PCDH15: variants seen among roughly 807,000 people sequenced by gnomAD.
The protein encoded by PCDH15 is protocadherin related 15.
Under a neutral mutation model 178.5 loss-of-function variants are expected in PCDH15, and 129 were observed. That is an observed-to-expected ratio of 0.72 (90% CI 0.63 to 0.84). The LOEUF is 0.84. Among genes scored for constraint, PCDH15 ranks in the 40% least tolerant of loss-of-function variants. PCDH15 has a pLI of 0.00. For synonymous variants in PCDH15, 800 were observed against 732.0 expected, an observed-to-expected ratio of 1.09 and a Z score of -1.50; for missense variants, 2,230 against 2,099.9, an observed-to-expected ratio of 1.06 and a Z score of -1.21.
intron 13 of PCDH15, among the ~76,000 whole-genome samples, chr10:54,172,294 G>A (rs1483620297): frequency 4.6e-5 from 7 of 151,612 alleles, no homozygotes; most frequent in Non-Finnish European, 8.8e-5. Context: ...CCCCCACTGA[G>A]CACCTTGCGA....
chr10:54,158,418 C>A (rs1171778009), intron 13 of PCDH15, among the ~76,000 whole-genome samples: 4 of 152,160 alleles, frequency 2.6e-5, no homozygotes. Context: ...ATCTTGCCCC[C>A]ATGATTCAAT....
rs1301701085 is a variant in PCDH15 at position 55,152,340 on chromosome 10, C to A, written c.-80+14236G>T. On this transcript the variant is annotated intron_variant, in intron 2 of 5. Transcript: ENST00000458638. ...GGTCCGTATAGGTTTTGCCATGTGG[C>A]AAATTACCAAAAAAAAATCTGTGCT... Among the ~76,000 whole-genome samples the A allele has an allele frequency of 1.1e-4, 9 of 83,068 alleles. 1 individual carries two copies. The South Asian group carries it at 3.6e-3, about 33-fold the overall frequency. 54.5% of individuals were successfully genotyped at this position (83,068 alleles called of 152,430 possible).
At chr10:55,006,942 G>T (rs1189220693) in intron 2 of PCDH15, among the ~76,000 whole-genome samples, 3 of 152,136 alleles carry the variant, frequency 2.0e-5, no homozygotes, top group African/African-American at 4.8e-5. Flanking sequence ...CATGGGGGAA[G>T]ATCCTTCATG....
chr10:54,405,912 A>G (rs1952608401), intron 3 of PCDH15, among the ~76,000 whole-genome samples: 1 of 151,876 alleles, frequency 6.6e-6, no homozygotes, highest in Admixed American at 6.6e-5. Context: ...TTGTTTCACA[A>G]TTTTTAAAAA....
At chr10:54,486,541 A>G (rs1200047882) in intron 3 of PCDH15, among the ~76,000 whole-genome samples, 2 of 151,786 alleles carry the variant, frequency 1.3e-5, no homozygotes, top group Admixed American at 6.6e-5. Flanking sequence ...TTATTCCCAA[A>G]TATGTTCATT....
chr10:55,406,802 A>G (rs1838207284), intron 2 of PCDH15, among the ~76,000 whole-genome samples: 1 of 152,162 alleles, frequency 6.6e-6, no homozygotes, highest in South Asian at 2.1e-4. Flanking sequence ...GGTGTGTTCA[A>G]TAACTGAGAA....
At chr10:54,421,847 C>CACTATA (rs1454250568) in intron 3 of PCDH15, among the ~76,000 whole-genome samples, 1 of 93,502 alleles carries the variant, frequency 1.1e-5, no homozygotes, top group Non-Finnish European at 2.0e-5. Context: ...TACACACACA[C>CACTATA]TATATATATA....
chr10:54,909,837 G>A (rs920552055), intron 2 of PCDH15, among the ~76,000 whole-genome samples: 5 of 152,058 alleles, frequency 3.3e-5, no homozygotes, highest in African/African-American at 4.8e-5. Context: ...CAGCCTTTAT[G>A]CTGGAACAAA....
Position 54,962,076 on chromosome 10 carries a change from T to G in PCDH15, c.-79-64576A>C, listed in dbSNP as rs74136303. ...CCTCCAGTTGTCCACATAACCTCAT[T>G]CTTCCTGGATGTGGGACAAGAATTT... is the stretch of plus-strand genomic sequence containing the variant. On this transcript the variant is annotated intron_variant, in intron 2 of 5. Coordinates refer to the PCDH15 transcript ENST00000458638. Among the ~76,000 whole-genome samples, 514 of 152,328 alleles carry G rather than the reference T, an allele frequency of 3.4e-3. 3 individuals carry two copies. The highest frequency in any genetic ancestry group is 0.012 in the African/African-American group (492 of 41,582).
intron 2 of PCDH15, among the ~76,000 whole-genome samples, chr10:54,551,520 T>G (rs541921658): frequency 5.3e-5 from 8 of 152,150 alleles, no homozygotes; most frequent in Non-Finnish European, 1.2e-4. Context: ...GGGCAAAATA[T>G]TATAAAAATA....
intron 3 of PCDH15, among the ~76,000 whole-genome samples, chr10:54,416,859 A>G (rs1017777200): frequency 2.0e-5 from 3 of 152,122 alleles, no homozygotes; most frequent in Non-Finnish European, 4.4e-5. Flanking sequence ...CTTGATTTGC[A>G]CTTCTCTAAT....
chr10:55,434,928 AC>A (rs2132061470), intron 2 of PCDH15, among the ~76,000 whole-genome samples: 1 of 152,216 alleles, frequency 6.6e-6, no homozygotes, highest in African/African-American at 2.4e-5. Context: ...TAAACTCAAA[AC>A]TTCTAATAGT....
rs116736752 is a variant in PCDH15, at chr10:55,552,909, A to G, written c.-156+74716T>C. On this transcript the variant is annotated intron_variant, in intron 2 of 5. Coordinates refer to the PCDH15 transcript ENST00000613346. ...CATTTTAGAAATAATTTAAACTTAA[A>G]TATGTTAATCCATGTAATCTTGTGA... Among the ~76,000 whole-genome samples the G allele has an allele frequency of 4.4e-3, 667 of 151,834 alleles. 5 individuals carry two copies. The highest frequency in any genetic ancestry group is 0.015 in the African/African-American group (638 of 41,534).
intron 8 of PCDH15, among the ~76,000 whole-genome samples, chr10:54,283,053 G>A (rs755251823): frequency 3.9e-5 from 6 of 152,050 alleles, no homozygotes; most frequent in South Asian, 2.1e-4. Context: ...TAGATATTAC[G>A]AGTTGAATGT....
intron 2 of PCDH15, among the ~76,000 whole-genome samples, chr10:55,069,424 C>T (rs1445646876): frequency 2.6e-5 from 3 of 116,634 alleles, no homozygotes; most frequent in Admixed American, 9.3e-5. Context: ...CTATCCCTTC[C>T]CCCTCCCCCC....
chr10:55,596,927 A>G (rs1389463964), intron 2 of PCDH15, among the ~76,000 whole-genome samples: 1 of 152,176 alleles, frequency 6.6e-6, no homozygotes, highest in African/African-American at 2.4e-5. Flanking sequence ...GATTACTTAA[A>G]ACTATAAAGC....
At chr10:55,271,905 A>G (rs1339298051) in intron 1 of PCDH15, among the ~76,000 whole-genome samples, 2 of 152,148 alleles carry the variant, frequency 1.3e-5, no homozygotes, top group Non-Finnish European at 2.9e-5. Flanking sequence ...CTCTTATAAA[A>G]TGTTTTCTAA....
chr10:55,401,501 A>ACAAT (rs1410672320), intron 2 of PCDH15, among the ~76,000 whole-genome samples: 1 of 151,950 alleles, frequency 6.6e-6, no homozygotes, highest in Non-Finnish European at 1.5e-5. Context: ...CTGTGCCCTG[A>ACAAT]CAATTATCTT....
Position 54,188,920 on chromosome 10 carries a change from A to G in PCDH15, c.1306-3652T>C, listed in dbSNP as rs74349927. ...AATGACAAAGCATAAGAGAAAAATG[A>G]CAAAAAAATGTTATCTCCTCAGCCA... On this transcript the variant is annotated intron_variant, in intron 11 of 37. Transcript: ENST00000644397. Among the ~76,000 whole-genome samples the G allele has an allele frequency of 2.6e-3, 391 of 152,066 alleles. 1 individual carries two copies. The highest frequency in any genetic ancestry group is 9.0e-3 in the African/African-American group (375 of 41,540).
Sources: allele counts gnomAD v4.1 joint callset (sites outside exome capture counted in the v4.1 genomes callset), GRCh38; gene constraint gnomAD v4.1.1; transcripts MANE v1.5; gene names NCBI Gene and HGNC (gene_info 2026-07-23, HGNC 2026-07-21).